The following KCTD1 variants were observed in gnomAD, a reference collection of about 807,000 sequenced individuals.
KCTD1 encodes the protein BTB/POZ domain-containing protein KCTD1.
In KCTD1, 24 loss-of-function variants were observed where a neutral mutation model predicts 66.0. The ratio of observed to expected loss-of-function variants is 0.36; its 90% CI spans 0.26 to 0.51. The LOEUF (loss-of-function observed/expected upper bound fraction) is 0.51. Among genes scored for constraint, KCTD1 ranks in the 20% least tolerant of loss-of-function variants. The probability of loss-of-function intolerance (pLI) is 0.95; values close to 1 mark genes in which losing one functional copy is unlikely to be tolerated. For missense variants in KCTD1, 943 were observed against 1,205.2 expected, an observed-to-expected ratio of 0.78 and a Z score of 3.22; for synonymous variants, 511 against 517.2, an observed-to-expected ratio of 0.99 and a Z score of 0.16.
Position 26,546,923 on chromosome 18 carries a change from C to T in KCTD1, c.1614G>A (p.Glu538=). The change falls in exon 1 of 5, where the codon GAG becomes GAA. Residue 538 remains glutamate, a synonymous_variant. Coordinates refer to ENST00000580059, the MANE Select transcript of KCTD1 (RefSeq NM_001142730.3). ...SEAAPKRALY[E]SVFGSGEICG... ...AGATTTCCCCCGACCCGAACACAGA[C>T]TCGTACAGGGCGCGCTTGGGCGCAG... The T allele has an allele frequency of 1.4e-6, 2 of 1,480,306 alleles. No individual in the cohort carries two copies. The highest frequency in any genetic ancestry group is 1.8e-6 in the Non-Finnish European group (2 of 1,113,768). The allele number at this position is 1,480,306 out of a possible 1,614,324, so 91.7% of individuals were successfully genotyped here.
In KCTD1 at chr18:26,459,933, A is replaced by G. The variant is rs1228581110; in HGVS notation, c.2134-8T>C. ...ATATAACAAAGTGTAGTCCTGGAAA[A>G]AAAAAAGGTATTTCACAGTGCAAAC... On this transcript the variant is annotated splice_polypyrimidine_tract_variant and splice_region_variant and intron_variant, in intron 3 of 4. Coordinates refer to ENST00000580059, the MANE Select transcript of KCTD1 (RefSeq NM_001142730.3). 1.9e-6 allele frequency: 3 copies of G among 1,553,388 alleles called. No individual in the cohort carries two copies. Among genetic ancestry groups the G allele is most frequent in the Non-Finnish European group, 2.6e-6 (3 of 1,150,612 alleles).
intron 1 of KCTD1, among the ~76,000 whole-genome samples, chr18:26,574,235 C>A (rs969397222): frequency 6.6e-6 from 1 of 152,204 alleles, no homozygotes; most frequent in Non-Finnish European, 1.5e-5. Context: ...TAAATAAACA[C>A]ATTCTCCTCT....
chr18:26,533,755 C>T (rs2144784294), intron 1 of KCTD1, among the ~76,000 whole-genome samples: 1 of 151,280 alleles, frequency 6.6e-6, no homozygotes, highest in East Asian at 1.9e-4. Flanking sequence ...CTGCCTCAGC[C>T]TCCCAAAGTG....
At chr18:26,614,931 T>C (rs1242964320) in intron 1 of KCTD1, among the ~76,000 whole-genome samples, 2 of 152,244 alleles carry the variant, frequency 1.3e-5, no homozygotes, top group Non-Finnish European at 2.9e-5. Flanking sequence ...TGCTCATTGA[T>C]TGATTTGCTT....
intron 1 of KCTD1, among the ~76,000 whole-genome samples, chr18:26,650,936 G>A (rs1988019169): frequency 6.6e-6 from 1 of 152,182 alleles, no homozygotes; most frequent in Non-Finnish European, 1.5e-5. Context: ...TAGCAGCGTT[G>A]GTGTCGGCAG....
chr18:26,656,076 G>C (rs1052188135), intron 1 of KCTD1, among the ~76,000 whole-genome samples: 1 of 152,208 alleles, frequency 6.6e-6, no homozygotes, highest in Non-Finnish European at 1.5e-5. Context: ...GAGGAGGAAA[G>C]AGGTCAGAAA....
intron 1 of KCTD1, among the ~76,000 whole-genome samples, chr18:26,564,746 G>A (rs763460516): frequency 6.6e-6 from 1 of 151,858 alleles, no homozygotes; most frequent in Non-Finnish European, 1.5e-5. Flanking sequence ...AAAATTATTC[G>A]GGCATGGTGA....
intron 1 of KCTD1, among the ~76,000 whole-genome samples, chr18:26,564,229 C>T (rs968576310): frequency 1.8e-4 from 27 of 152,142 alleles, no homozygotes; most frequent in African/African-American, 6.3e-4. Context: ...CAGATAGCCT[C>T]ACTGAGATCA....
intron 2 of KCTD1, among the ~76,000 whole-genome samples, chr18:26,497,211 G>A (rs941520970): frequency 6.6e-6 from 1 of 152,092 alleles, no homozygotes; most frequent in Admixed American, 6.5e-5. Context: ...ATCTTTTAAG[G>A]TCACTTGTTA....
chr18:26,548,640 G>A, upstream of KCTD1: 1 of 1,137,394 alleles, frequency 8.8e-7, no homozygotes, highest in Non-Finnish European at 1.1e-6. Context: ...GGGAGGCAAA[G>A]CCGGGCTCTT....
chr18:26,620,225 A>C (rs918529261), intron 1 of KCTD1, among the ~76,000 whole-genome samples: 4 of 152,116 alleles, frequency 2.6e-5, no homozygotes, highest in African/African-American at 9.6e-5. Flanking sequence ...TGTGGCTAAA[A>C]GGCCCTGGTA....
intron 1 of KCTD1, among the ~76,000 whole-genome samples, chr18:26,560,928 T>C (rs1173302833): frequency 1.3e-5 from 2 of 152,214 alleles, no homozygotes; most frequent in African/African-American, 4.8e-5. Flanking sequence ...AGAAATGGGC[T>C]GCACACAAAG....
chr18:26,551,965 T>C (rs573407720), upstream of KCTD1, among the ~76,000 whole-genome samples: 1 of 152,328 alleles, frequency 6.6e-6, no homozygotes, highest in African/African-American at 2.4e-5. Context: ...TTTTATTTCT[T>C]GTGCAGGATA....
chr18:26,589,006 C>A (rs1986535551), intron 1 of KCTD1, among the ~76,000 whole-genome samples: 1 of 151,956 alleles, frequency 6.6e-6, no homozygotes, highest in Admixed American at 6.5e-5. Context: ...ACTGATCTAA[C>A]TGCAAACAAT....
At chr18:26,590,808 T>A (rs1986583339) in intron 1 of KCTD1, among the ~76,000 whole-genome samples, 1 of 152,170 alleles carries the variant, frequency 6.6e-6, no homozygotes, top group Non-Finnish European at 1.5e-5. Flanking sequence ...CATTTTATCT[T>A]GTGTTCAAGA....
At chr18:26,625,351 A>G (rs1373371261) in intron 1 of KCTD1, among the ~76,000 whole-genome samples, 1 of 152,196 alleles carries the variant, frequency 6.6e-6, no homozygotes, top group African/African-American at 2.4e-5. Context: ...TGTAGTTCCC[A>G]TAATCCCCAT....
chr18:26,571,346 T>C (rs1598946593), intron 1 of KCTD1, among the ~76,000 whole-genome samples: 1 of 152,124 alleles, frequency 6.6e-6, no homozygotes, highest in East Asian at 1.9e-4. Context: ...TCAAGAACAC[T>C]TCATATTGCA....
chr18:26,628,723 A>C (rs1987555889), intron 1 of KCTD1, among the ~76,000 whole-genome samples: 1 of 152,192 alleles, frequency 6.6e-6, no homozygotes. Flanking sequence ...AGCATTAGAA[A>C]TTTCATCCTA....
intron 1 of KCTD1, among the ~76,000 whole-genome samples, chr18:26,608,709 C>T (rs79760606): frequency 0.014 from 2,075 of 152,210 alleles, 66 homozygotes; most frequent in East Asian, 0.11. Flanking sequence ...TCTTATTGTG[C>T]ACAGTGATGC....
Sources: gnomAD v4.1 joint callset for allele counts (sites outside exome capture counted in the v4.1 genomes callset) on GRCh38, gnomAD v4.1.1 for gene constraint, MANE v1.5 for transcripts, NCBI Gene and HGNC (gene_info 2026-07-23, HGNC 2026-07-21) for gene names.